ENTREP2: variants seen among roughly 807,000 people sequenced by gnomAD.
ENTREP2 encodes the protein endosomal transmembrane epsin interactor 2.
chr15:29,618,220 G>A, the ENTREP2 span, among the ~76,000 whole-genome samples: 844 of 152,068 alleles, frequency 5.6e-3, 6 homozygotes, highest in African/African-American at 0.02. Context: ...TCAGGAGTTC[G>A]AGACCAGCCT....
At chr15:29,612,638 T>C in the ENTREP2 span, 2 of 152,962 alleles carry the variant, frequency 1.3e-5, no homozygotes, top group Non-Finnish European at 2.9e-5. Flanking sequence ...TCTGGGAAGT[T>C]ATCAGTGATG....
the ENTREP2 span, among the ~76,000 whole-genome samples, chr15:29,496,412 AT>A: frequency 1.3e-5 from 2 of 151,810 alleles, no homozygotes; most frequent in Non-Finnish European, 2.9e-5. Flanking sequence ...AAATAATAAA[AT>A]TATTTTTACT....
the ENTREP2 span, among the ~76,000 whole-genome samples, chr15:29,672,284 G>A: frequency 1.3e-5 from 2 of 152,064 alleles, no homozygotes; most frequent in Admixed American, 6.6e-5. Context: ...CACCGCGCCC[G>A]GTTTACTACA....
the ENTREP2 span, among the ~76,000 whole-genome samples, chr15:29,461,724 C>T: frequency 7.0e-4 from 107 of 152,260 alleles, 1 homozygote; most frequent in African/African-American, 2.1e-3. Flanking sequence ...CCACCCGCTT[C>T]GGCCTCCCAT....
chr15:29,516,415 C>T, the ENTREP2 span, among the ~76,000 whole-genome samples: 3 of 152,116 alleles, frequency 2.0e-5, no homozygotes, highest in African/African-American at 7.2e-5. Flanking sequence ...ACAGAAAACA[C>T]AAAGTTGACT....
chr15:29,535,242 C>T, the ENTREP2 span, among the ~76,000 whole-genome samples: 6 of 152,160 alleles, frequency 3.9e-5, no homozygotes, highest in South Asian at 6.2e-4. Context: ...CAGAGCAAGA[C>T]ATCATCTCTA....
the ENTREP2 span, among the ~76,000 whole-genome samples, chr15:29,545,463 C>A: frequency 6.6e-6 from 1 of 152,156 alleles, no homozygotes; most frequent in African/African-American, 2.4e-5. Flanking sequence ...GCTTAAGAGT[C>A]CAGTTTTGTG....
chr15:29,545,916 G>A, the ENTREP2 span, among the ~76,000 whole-genome samples: 5 of 152,302 alleles, frequency 3.3e-5, no homozygotes, highest in African/African-American at 1.2e-4. Context: ...TAGCTGAGAA[G>A]AAAACATGTG....
At chr15:29,202,344 T>A in the ENTREP2 span, among the ~76,000 whole-genome samples, 32 of 152,296 alleles carry the variant, frequency 2.1e-4, no homozygotes, top group East Asian at 5.8e-3. Context: ...TTTCTTTTTT[T>A]AATTTTATTT....
chr15:29,182,401 A>G, the ENTREP2 span, among the ~76,000 whole-genome samples: 1 of 152,156 alleles, frequency 6.6e-6, no homozygotes, highest in Non-Finnish European at 1.5e-5. Flanking sequence ...CTGGGATTAC[A>G]GGCATGGCCA....
chr15:29,652,489 C>T, the ENTREP2 span, among the ~76,000 whole-genome samples: 415 of 152,368 alleles, frequency 2.7e-3, 5 homozygotes, highest in African/African-American at 9.3e-3. Flanking sequence ...TGAAACACGC[C>T]GCTTGCTCTC....
At chr15:29,381,590 C>T in the ENTREP2 span, among the ~76,000 whole-genome samples, 71 of 152,162 alleles carry the variant, frequency 4.7e-4, no homozygotes, top group South Asian at 0.011. Flanking sequence ...CTCAGAAGCA[C>T]CTCCCATGAG....
chr15:29,544,706 C>A, the ENTREP2 span, among the ~76,000 whole-genome samples: 1 of 152,126 alleles, frequency 6.6e-6, no homozygotes, highest in Non-Finnish European at 1.5e-5. Flanking sequence ...TGCCTCAGAG[C>A]AGAAGTGGTG....
the ENTREP2 span, among the ~76,000 whole-genome samples, chr15:29,292,206 A>C: frequency 6.6e-6 from 1 of 152,202 alleles, no homozygotes. Flanking sequence ...TTAACTACTG[A>C]TCATCACTGA....
the ENTREP2 span, among the ~76,000 whole-genome samples, chr15:29,316,454 GTATC>G: frequency 6.6e-6 from 1 of 152,080 alleles, no homozygotes; most frequent in African/African-American, 2.4e-5. Context: ...CAAATTATTG[GTATC>G]TATTAGTTGT....
the ENTREP2 span, among the ~76,000 whole-genome samples, chr15:29,170,168 C>T: frequency 5.3e-5 from 8 of 151,530 alleles, no homozygotes; most frequent in South Asian, 2.1e-4. Context: ...ATTAGCCAGG[C>T]GTGGTGGCGG....
At chr15:29,426,477 C>T in the ENTREP2 span, among the ~76,000 whole-genome samples, 1 of 149,268 alleles carries the variant, frequency 6.7e-6, no homozygotes, top group Non-Finnish European at 1.5e-5. Flanking sequence ...AAAACATCTC[C>T]TATATGCCTG....
the ENTREP2 span, among the ~76,000 whole-genome samples, chr15:29,205,693 A>G: frequency 6.6e-6 from 1 of 152,136 alleles, no homozygotes; most frequent in Non-Finnish European, 1.5e-5. Flanking sequence ...GAGCTGTAGG[A>G]GTTCTTTATA....
the ENTREP2 span, among the ~76,000 whole-genome samples, chr15:29,534,069 C>T: frequency 7.4e-6 from 1 of 134,262 alleles, no homozygotes; most frequent in African/African-American, 3.0e-5. Context: ...CAACCTAACA[C>T]CACACCAGTG....
Sources: gnomAD v4.1 joint callset for allele counts (sites outside exome capture counted in the v4.1 genomes callset) on GRCh38, gnomAD v4.1.1 for gene constraint, MANE v1.5 for transcripts, NCBI Gene and HGNC (gene_info 2026-07-23, HGNC 2026-07-21) for gene names.